Variants in ENAH observed in about 807,000 individuals in gnomAD.
ENAH encodes protein enabled homolog.
Under a neutral mutation model 78.7 loss-of-function variants are expected in ENAH, and 23 were observed. The ratio of observed to expected loss-of-function variants is 0.29; its 90% CI spans 0.21 to 0.41. The LOEUF (loss-of-function observed/expected upper bound fraction) is 0.41, where lower values mean the gene tolerates loss of function less well. ENAH is among the 10% of genes least tolerant of loss of function. ENAH has a pLI of 1.00. For synonymous variants in ENAH, 226 were observed against 241.0 expected (o/e 0.94, Z 0.58); for missense variants, 544 against 691.0 (o/e 0.79, Z 2.39).
intron 5 of ENAH, chr1:225,517,593 G>A: frequency 1.3e-6 from 2 of 1,551,270 alleles, no homozygotes; most frequent in African/African-American, 1.4e-5. Context: ...TGCCTGGGGG[G>A]CTGCTAATCA....
intron 1 of ENAH, among the ~76,000 whole-genome samples, chr1:225,607,412 C>T (rs1000823605): frequency 6.6e-6 from 1 of 150,528 alleles, no homozygotes; most frequent in South Asian, 2.1e-4. Flanking sequence ...AGGTAACTGA[C>T]TTAGTAGGCT....
chr1:225,612,309 T>C (rs1301307682), intron 1 of ENAH, among the ~76,000 whole-genome samples: 1 of 152,240 alleles, frequency 6.6e-6, no homozygotes, highest in Non-Finnish European at 1.5e-5. Context: ...TTATGCTTAG[T>C]CACAGAAGCC....
chr1:225,608,384 T>A (rs1468042289), intron 1 of ENAH, among the ~76,000 whole-genome samples: 4 of 148,562 alleles, frequency 2.7e-5, no homozygotes, highest in African/African-American at 9.9e-5. Context: ...AAAAGATCCA[T>A]CAAGGGCACA....
intron 4 of ENAH, among the ~76,000 whole-genome samples, chr1:225,525,278 CACCACTT>C (rs1183096609): frequency 6.6e-6 from 1 of 152,186 alleles, no homozygotes; most frequent in Non-Finnish European, 1.5e-5. Context: ...AAACTCATAC[CACCACTT>C]TGGATACACC....
At chr1:225,513,365 G>A (rs536137105) in intron 7 of ENAH, among the ~76,000 whole-genome samples, 1 of 152,190 alleles carries the variant, frequency 6.6e-6, no homozygotes, top group Middle Eastern at 3.4e-3. Context: ...AAGGATAACA[G>A]GCAAAATAAT....
chr1:225,564,090 C>CT (rs1165296609), intron 2 of ENAH, among the ~76,000 whole-genome samples: 2 of 151,328 alleles, frequency 1.3e-5, no homozygotes, highest in African/African-American at 2.4e-5. Context: ...TGTACTGTTC[C>CT]TTTTTTTTGT....
chr1:225,618,079 G>A (rs1181644989), intron 1 of ENAH, among the ~76,000 whole-genome samples: 1 of 152,180 alleles, frequency 6.6e-6, no homozygotes, highest in Non-Finnish European at 1.5e-5. Flanking sequence ...TATCCTTGAG[G>A]CAAAGGAACA....
intron 1 of ENAH, among the ~76,000 whole-genome samples, chr1:225,600,809 C>T (rs1448170967): frequency 6.6e-6 from 1 of 152,018 alleles, no homozygotes; most frequent in African/African-American, 2.4e-5. Context: ...GTGATCACAA[C>T]ACTGCACTGC....
At chr1:225,581,561 A>G (rs1324522458) in intron 1 of ENAH, among the ~76,000 whole-genome samples, 1 of 152,208 alleles carries the variant, frequency 6.6e-6, no homozygotes, top group Non-Finnish European at 1.5e-5. Flanking sequence ...AAGAAAAACT[A>G]AAGCAGAATA....
At chr1:225,549,281 A>G (rs779311592) in intron 3 of ENAH, among the ~76,000 whole-genome samples, 1 of 152,230 alleles carries the variant, frequency 6.6e-6, no homozygotes, top group South Asian at 2.1e-4. Flanking sequence ...TTAAGATTTC[A>G]TGAAAGCATT....
intron 1 of ENAH, among the ~76,000 whole-genome samples, chr1:225,643,730 G>A (rs1044876388): frequency 7.2e-5 from 11 of 152,140 alleles, no homozygotes; most frequent in African/African-American, 2.7e-4. Context: ...GAGGCCAGGA[G>A]TTCAAGACCA....
chr1:225,512,538 A>G, intron 9 of ENAH, 119 bp downstream of exon 9: 1 of 1,004,406 alleles, frequency 1.0e-6, no homozygotes, highest in Non-Finnish European at 1.4e-6. Context: ...GTTAAAAATT[A>G]GCAAATATAA....
chr1:225,615,194 C>T (rs2097019489), intron 1 of ENAH, among the ~76,000 whole-genome samples: 2 of 152,078 alleles, frequency 1.3e-5, no homozygotes, highest in South Asian at 2.1e-4. Flanking sequence ...AGGCGCGCGC[C>T]GCCACGCCTG....
At chr1:225,617,940 AT>A (rs1358280258) in intron 1 of ENAH, among the ~76,000 whole-genome samples, 1 of 152,226 alleles carries the variant, frequency 6.6e-6, no homozygotes, top group Non-Finnish European at 1.5e-5. Context: ...AAGGCATAAC[AT>A]TTTTAATTGT....
At chr1:225,571,363 ACT>A (rs2096761396) in intron 1 of ENAH, among the ~76,000 whole-genome samples, 1 of 151,028 alleles carries the variant, frequency 6.6e-6, no homozygotes, top group Non-Finnish European at 1.5e-5. Flanking sequence ...ACAGAGTGAG[ACT>A]CTGTCTCAAA....
chr1:225,602,445 C>G (rs1030240063), intron 1 of ENAH, among the ~76,000 whole-genome samples: 10 of 151,980 alleles, frequency 6.6e-5, no homozygotes, highest in Admixed American at 1.3e-4. Context: ...AAAATACTGA[C>G]TAATCAAATC....
At chr1:225,627,546 TATGAGGCCAG>T (rs1353488817) in intron 1 of ENAH, among the ~76,000 whole-genome samples, 1 of 152,206 alleles carries the variant, frequency 6.6e-6, no homozygotes, top group Non-Finnish European at 1.5e-5. Flanking sequence ...TGAGTGCTGT[TATGAGGCCAG>T]AGGAGACCAG....
Position 225,648,778 on chromosome 1 carries a change from C to A in ENAH, c.5+3908G>T, listed in dbSNP as rs531746643. The stretch of plus-strand genomic sequence containing the variant: ...ATCTCCTTTTTTTTTTTTTTTTTTA[C>A]CAGTTTACTCAATTAACAGGTCAGC... On this transcript the variant is annotated intron_variant, in intron 1 of 13. Coordinates refer to ENST00000366843, the MANE Select transcript of ENAH (RefSeq NM_018212.6). Among the ~76,000 whole-genome samples the A allele has an allele frequency of 6.7e-3, 743 of 111,710 alleles. 11 individuals are homozygous for A. Among genetic ancestry groups the A allele is most frequent in the African/African-American group, 0.025 (698 of 28,092 alleles). 73.3% of individuals were successfully genotyped at this position (111,710 alleles called of 152,430 possible).
chr1:225,523,050 A>G (rs935171776), intron 4 of ENAH, among the ~76,000 whole-genome samples: 3 of 152,036 alleles, frequency 2.0e-5, no homozygotes, highest in Admixed American at 1.3e-4. Flanking sequence ...TTTGCTATCT[A>G]CTTTCTAACA....
Sources: gnomAD v4.1 joint callset for allele counts (sites outside exome capture counted in the v4.1 genomes callset) on GRCh38, gnomAD v4.1.1 for gene constraint, MANE v1.5 for transcripts, NCBI Gene and HGNC (gene_info 2026-07-23, HGNC 2026-07-21) for gene names.